LOC128092252: variants seen among roughly 807,000 people sequenced by gnomAD.
the LOC128092252 span, chr15:50,657,935 C>A: frequency 2.9e-6 from 2 of 693,910 alleles, no homozygotes; most frequent in Non-Finnish European, 4.9e-6. Context: ...TTTAATTTTT[C>A]AGTAGATATT....
chr15:50,653,948 C>G, the LOC128092252 span, among the ~76,000 whole-genome samples: 1 of 152,016 alleles, frequency 6.6e-6, no homozygotes, highest in Admixed American at 6.6e-5. Flanking sequence ...CCTGAACACT[C>G]AATTGAGAAC....
the LOC128092252 span, among the ~76,000 whole-genome samples, chr15:50,679,539 T>TATATATATATATA: frequency 9.0e-5 from 2 of 22,306 alleles, no homozygotes; most frequent in African/African-American, 2.1e-4. Context: ...TATATATATA[T>TATATATATATATA]TTTTTTTTTT....
the LOC128092252 span, among the ~76,000 whole-genome samples, chr15:50,658,401 C>T: frequency 2.6e-5 from 4 of 151,192 alleles, no homozygotes; most frequent in Non-Finnish European, 5.9e-5. Flanking sequence ...AGCGAAACTC[C>T]GTCTCTACAA....
the LOC128092252 span, among the ~76,000 whole-genome samples, chr15:50,668,331 G>A: frequency 7.2e-5 from 11 of 152,072 alleles, no homozygotes; most frequent in Admixed American, 1.3e-4. Context: ...TGCTTAAAAC[G>A]TCGCTGATCC....
At chr15:50,661,025 G>C in the LOC128092252 span, among the ~76,000 whole-genome samples, 2 of 151,260 alleles carry the variant, frequency 1.3e-5, no homozygotes, top group African/African-American at 4.9e-5. Flanking sequence ...ACCCAGGCTG[G>C]AGTGCAGCAG....
the LOC128092252 span, among the ~76,000 whole-genome samples, chr15:50,665,902 A>T: frequency 6.6e-6 from 1 of 152,152 alleles, no homozygotes; most frequent in Non-Finnish European, 1.5e-5. Context: ...CTGAGGCAGG[A>T]GAACTGCTTG....
the LOC128092252 span, chr15:50,663,120 C>T: frequency 8.8e-7 from 1 of 1,136,300 alleles, no homozygotes; most frequent in Non-Finnish European, 1.3e-6. Context: ...TCATGATAAA[C>T]ACATAAACAG....
At chr15:50,677,086 T>G in the LOC128092252 span, among the ~76,000 whole-genome samples, 1 of 152,080 alleles carries the variant, frequency 6.6e-6, no homozygotes, top group Non-Finnish European at 1.5e-5. Context: ...GGATAACAAC[T>G]GAAACAAATT....
the LOC128092252 span, among the ~76,000 whole-genome samples, chr15:50,668,074 A>C: frequency 2.0e-5 from 3 of 152,212 alleles, no homozygotes; most frequent in Non-Finnish European, 4.4e-5. Flanking sequence ...GGCTGTCCTA[A>C]GACTTTTTGT....
chr15:50,659,495 C>T, the LOC128092252 span, among the ~76,000 whole-genome samples: 2 of 152,108 alleles, frequency 1.3e-5, no homozygotes, highest in Non-Finnish European at 2.9e-5. Flanking sequence ...AGTTCAACTA[C>T]TGTAGAAAGA....
At chr15:50,663,925 T>G in the LOC128092252 span, among the ~76,000 whole-genome samples, 5 of 151,860 alleles carry the variant, frequency 3.3e-5, no homozygotes, top group East Asian at 9.7e-4. Context: ...ATCAGGCCAC[T>G]GCACTCCAGC....
chr15:50,686,571 C>A, the LOC128092252 span: 1 of 1,608,814 alleles, frequency 6.2e-7, no homozygotes, highest in Non-Finnish European at 8.5e-7. Flanking sequence ...GCAGCAACTC[C>A]ACCTCCTCCT....
At chr15:50,682,173 C>CAAAAAAAAAACAAAA in the LOC128092252 span, among the ~76,000 whole-genome samples, 3 of 63,680 alleles carry the variant, frequency 4.7e-5, no homozygotes, top group East Asian at 1.7e-3. Context: ...AACTCAGTCT[C>CAAAAAAAAAACAAAA]AAAAAAAAAA....
the LOC128092252 span, among the ~76,000 whole-genome samples, chr15:50,657,405 C>T: frequency 5.3e-5 from 8 of 152,274 alleles, no homozygotes; most frequent in East Asian, 1.5e-3. Context: ...GCATGTGCAA[C>T]AAAAAGCCTT....
the LOC128092252 span, among the ~76,000 whole-genome samples, chr15:50,664,247 T>C: frequency 8.9e-5 from 13 of 145,276 alleles, no homozygotes; most frequent in African/African-American, 3.1e-4. Flanking sequence ...GAGTCGGAGG[T>C]TGCAGTGAGC....
chr15:50,671,650 GT>G, the LOC128092252 span, among the ~76,000 whole-genome samples: 3,072 of 138,816 alleles, frequency 0.022, 121 homozygotes, highest in African/African-American at 0.078. Context: ...CGCTACAAAA[GT>G]TTTTTTTAAT....
chr15:50,667,006 G>T, the LOC128092252 span, among the ~76,000 whole-genome samples: 2 of 152,056 alleles, frequency 1.3e-5, no homozygotes, highest in Non-Finnish European at 2.9e-5. Context: ...CAAGATCCAG[G>T]AACCTGTTCC....
chr15:50,667,964 G>A, the LOC128092252 span, among the ~76,000 whole-genome samples: 2 of 152,140 alleles, frequency 1.3e-5, no homozygotes, highest in African/African-American at 4.8e-5. Flanking sequence ...ATTCTGATAT[G>A]ATTCAATGTA....
chr15:50,649,971 G>C, the LOC128092252 span, among the ~76,000 whole-genome samples: 3 of 152,010 alleles, frequency 2.0e-5, no homozygotes, highest in Non-Finnish European at 4.4e-5. Context: ...GAGACGGGCA[G>C]ATTACCTGAG....
Sources: gnomAD v4.1 joint callset for allele counts (sites outside exome capture counted in the v4.1 genomes callset) on GRCh38, gnomAD v4.1.1 for gene constraint, MANE v1.5 for transcripts.